The following TLL2 variants were observed in gnomAD, a reference collection of about 807,000 sequenced individuals.
The protein encoded by TLL2 is tolloid-like protein 2.
In TLL2, 106 loss-of-function variants were observed where a neutral mutation model predicts 123.0. That is an observed-to-expected ratio of 0.86 (90% CI 0.74 to 1.01). The LOEUF (loss-of-function observed/expected upper bound fraction) is 1.01, where lower values mean the gene tolerates loss of function less well. TLL2 is among the 50% of genes least tolerant of loss of function. The pLI, the probability that TLL2 is intolerant of heterozygous loss-of-function variation, is 0.00. For synonymous variants in TLL2, 494 were observed against 516.8 expected, an observed-to-expected ratio of 0.96 and a Z score of 0.60; for missense variants, 1,332 against 1,336.7, an observed-to-expected ratio of 1.00 and a Z score of 0.06.
At chr10:96,435,542 G>T (rs1846788369) in intron 3 of TLL2, among the ~76,000 whole-genome samples, 1 of 152,132 alleles carries the variant, frequency 6.6e-6, no homozygotes, top group South Asian at 2.1e-4. Flanking sequence ...CCTAATTCAA[G>T]ATCACAAAGA....
rs1357410351 is a variant in TLL2 at position 96,379,062 on chromosome 10, C to T, written c.2225G>A (p.Gly742Glu). 6.2e-7 allele frequency: 1 copy of T among 1,614,164 alleles called. No individual in the cohort carries two copies. The highest frequency in any genetic ancestry group is 8.5e-7 in the Non-Finnish European group (1 of 1,179,996). Residue 742 changes from glycine (G) to glutamate (E), a missense_variant, in exon 17 of 21, where the codon GGG becomes GAG. Transcript: ENST00000357947. ...GGTGTTGACGCACTCATGCTGACAC[C>T]CGCCGTTGTCCTTGGCACACTCGTC... ...DKDECAKDNG[G>E]CQHECVNTFG... is the part of the protein sequence containing the mutation.
At chr10:96,452,320 A>C (rs976955944) in intron 2 of TLL2, among the ~76,000 whole-genome samples, 1 of 152,182 alleles carries the variant, frequency 6.6e-6, no homozygotes, top group Non-Finnish European at 1.5e-5. Context: ...ATTCTAGCAA[A>C]AAACAAACAA....
At chr10:96,429,761 T>C (rs1460920144) in intron 4 of TLL2, among the ~76,000 whole-genome samples, 1 of 152,226 alleles carries the variant, frequency 6.6e-6, no homozygotes, top group Non-Finnish European at 1.5e-5. Flanking sequence ...GGGGTTTCAG[T>C]GTCTTGTGGG....
Position 96,513,859 on chromosome 10 carries a change from G to A in TLL2, c.-174C>T. 4 of 676,766 alleles carry A rather than the reference G, an allele frequency of 5.9e-6. No individual in the cohort carries two copies. Among genetic ancestry groups the A allele is most frequent in the East Asian group, 3.4e-5 (1 of 29,260 alleles). The allele number at this position is 676,766 out of a possible 1,614,324, so 41.9% of individuals were successfully genotyped here. A position where few individuals can be genotyped will look rare whatever the true frequency, so the allele number is the denominator to read the frequency against. On this transcript the variant is annotated 5_prime_UTR_variant, in exon 1 of 21. Transcript: ENST00000357947. ...GAGCGCGGCGCCCCCTGTCTTCGTC[G>A]AGGCAACCGGGAAGCAGCCGCTCGG...
chr10:96,470,312 G>C (rs1038988795), intron 2 of TLL2, among the ~76,000 whole-genome samples: 1 of 152,210 alleles, frequency 6.6e-6, no homozygotes, highest in African/African-American at 2.4e-5. Context: ...ACAGCCTCAT[G>C]GGGGAGCAGG....
chr10:96,378,383 A>G, intron 17 of TLL2, among the ~76,000 whole-genome samples: 1 of 145,326 alleles, frequency 6.9e-6, no homozygotes, highest in Middle Eastern at 3.2e-3. Context: ...CTGGACAGTA[A>G]AAGCCACCTG....
At chr10:96,460,636 C>A (rs1355179701) in intron 2 of TLL2, among the ~76,000 whole-genome samples, 1 of 152,176 alleles carries the variant, frequency 6.6e-6, no homozygotes, top group Non-Finnish European at 1.5e-5. Context: ...CTCTCTCCTG[C>A]CACCATGTGA....
rs536315936 is a variant in TLL2 at position 96,433,304 on chromosome 10, G to A, written c.365-342C>T. ...TTTCTGCTCAGAGTCACAAGCATTT[G>A]GGGAACAAACTGGGTCAATCTCTTG... On this transcript the variant is annotated intron_variant, in intron 3 of 20. Transcript: ENST00000357947. 3.3e-5 allele frequency among the ~76,000 whole-genome samples: 5 copies of A among 152,276 alleles called. No individual in the cohort carries two copies. The South Asian group carries it at 1.0e-3, about 32-fold the overall frequency.
chr10:96,487,243 C>G (rs1181890741), intron 1 of TLL2, among the ~76,000 whole-genome samples: 1 of 152,188 alleles, frequency 6.6e-6, no homozygotes, highest in Non-Finnish European at 1.5e-5. Flanking sequence ...AGTGCCAGGC[C>G]TGGCCTGTGG....
rs1217394130 is a variant in TLL2, at chr10:96,368,222, G to T, written c.2914C>A (p.Pro972Thr). The change falls in exon 21 of 21, where the codon CCA (proline) becomes ACA (threonine). Residue 972 changes from proline (P) to threonine (T), a missense_variant and splice_region_variant. By Grantham distance (38) the Pro-to-Thr change is conservative. Coordinates refer to ENST00000357947, the MANE Select transcript of TLL2 (RefSeq NM_012465.4). Reference protein sequence around the residue: ...PRLGRFCGSGPLEEIYSAGDS... With the variant: ...PRLGRFCGSGTLEEIYSAGDS... ...CCTGCAGAGTAGATTTCTTCTAATG[G>T]CTGAGGAAAGGAGAAAGGGAAACGA... 5 of 1,613,776 alleles carry T rather than the reference G, an allele frequency of 3.1e-6. No homozygotes were observed. The highest frequency in any genetic ancestry group is 4.2e-6 in the Non-Finnish European group (5 of 1,179,996).
At chr10:96,405,638 C>A (rs556755182) in intron 9 of TLL2, among the ~76,000 whole-genome samples, 1 of 152,030 alleles carries the variant, frequency 6.6e-6, no homozygotes, top group Non-Finnish European at 1.5e-5. Flanking sequence ...CTGGCCAGGG[C>A]GCATGGAGAC....
chr10:96,411,685 T>G (rs976628265), intron 8 of TLL2, among the ~76,000 whole-genome samples: 1 of 152,208 alleles, frequency 6.6e-6, no homozygotes, highest in African/African-American at 2.4e-5. Context: ...AACCCTAACA[T>G]GTGGAGATCC....
chr10:96,453,147 A>G (rs1846977660), intron 2 of TLL2, among the ~76,000 whole-genome samples: 1 of 152,172 alleles, frequency 6.6e-6, no homozygotes, highest in African/African-American at 2.4e-5. Context: ...CACAGGACTA[A>G]TCAAAATCTT....
chr10:96,447,314 C>A (rs1846905294), intron 2 of TLL2, among the ~76,000 whole-genome samples: 2 of 152,238 alleles, frequency 1.3e-5, no homozygotes, highest in Admixed American at 1.3e-4. Flanking sequence ...GTTACAGGAA[C>A]CCTGCAGAGG....
chr10:96,431,868 A>G (rs1846745144), intron 4 of TLL2, among the ~76,000 whole-genome samples: 1 of 152,186 alleles, frequency 6.6e-6, no homozygotes, highest in Non-Finnish European at 1.5e-5. Flanking sequence ...GAAGACAGCC[A>G]TGCAAAGACC....
At chr10:96,464,368 A>G (rs1242598526) in intron 2 of TLL2, among the ~76,000 whole-genome samples, 1 of 152,096 alleles carries the variant, frequency 6.6e-6, no homozygotes, top group African/African-American at 2.4e-5. Context: ...TGGGTGGCAG[A>G]GCCAGATTCC....
chr10:96,477,821 C>T (rs1014898036), intron 2 of TLL2, among the ~76,000 whole-genome samples: 1 of 152,214 alleles, frequency 6.6e-6, no homozygotes, highest in African/African-American at 2.4e-5. Context: ...CCTGCTGAGG[C>T]TCTGGATCTC....
chr10:96,500,144 C>CAA (rs57153896), intron 1 of TLL2, among the ~76,000 whole-genome samples: 4 of 120,794 alleles, frequency 3.3e-5, no homozygotes, highest in Non-Finnish European at 5.0e-5. Flanking sequence ...AAATCTCTAC[C>CAA]AAAAAAAAAA....
chr10:96,400,141 T>C (rs1303157775), intron 10 of TLL2, among the ~76,000 whole-genome samples: 1 of 152,210 alleles, frequency 6.6e-6, no homozygotes, highest in African/African-American at 2.4e-5. Flanking sequence ...ACTATGTCTA[T>C]GCCAGACACT....
Sources: gnomAD v4.1 joint callset for allele counts (sites outside exome capture counted in the v4.1 genomes callset) on GRCh38, gnomAD v4.1.1 for gene constraint, MANE v1.5 for transcripts, NCBI Gene and HGNC (gene_info 2026-07-23, HGNC 2026-07-21) for gene names.